The following DENND5A variants were observed in gnomAD, a reference collection of about 807,000 sequenced individuals.
The protein encoded by DENND5A is DENN domain containing 5A.
DENND5A carries 64 observed loss-of-function variants against 140.3 expected under a neutral mutation model. The observed-to-expected ratio is 0.46, with a 90% CI of 0.37 to 0.56. The LOEUF is 0.56. Ranked by LOEUF, DENND5A falls within the 20% of genes least tolerant of loss-of-function variation. DENND5A has a pLI of 0.00. For missense variants in DENND5A, 1,292 were observed against 1,593.8 expected, an observed-to-expected ratio of 0.81 and a Z score of 3.22; for synonymous variants, 605 against 607.7, an observed-to-expected ratio of 1.00 and a Z score of 0.07.
At position 9,147,133 on chromosome 11, in the gene DENND5A, A is replaced by G; in HGVS notation, c.2754T>C (p.Tyr918=). Residue 918 remains tyrosine (Y), a synonymous_variant, in exon 16 of 23, where the codon TAT becomes TAC. Transcript: ENST00000328194. ...TCTCGTCATCACAGCGCAGGAAGGCATAGCGCTTATATAACTTTCTGTTGG... is the reference window on the plus strand; with the variant it reads ...TCTCGTCATCACAGCGCAGGAAGGCGTAGCGCTTATATAACTTTCTGTTGG... ...HELTKKLYKR[Y]AFLRCDDEKE... The G allele has an allele frequency of 6.2e-7, 1 of 1,613,578 alleles. No homozygotes were observed. Among genetic ancestry groups the G allele is most frequent in the Non-Finnish European group, 8.5e-7 (1 of 1,179,484 alleles).
chr11:9,178,878 G>T lies in DENND5A; in HGVS notation c.1651C>A (p.Gln551Lys). ...DKESWFTNRE[Q>K]MQNFDKASFL... is the part of the protein sequence containing the mutation. ...CTCACTTTATCAAAGTTTTGCATTT[G>T]CTCCCTGTTGGTAAACCAGGATTCC... Residue 551 changes from glutamine (Q) to lysine (K), a missense_variant, in exon 7 of 23, where the codon CAA becomes AAA. Around this residue, in one of 4 missense-constraint regions of DENND5A, gnomAD observed 29 missense variants for 64.7 expected, o/e 0.45. Coordinates refer to ENST00000328194, the MANE Select transcript of DENND5A (RefSeq NM_015213.4). 1 of 1,613,918 alleles carries T rather than the reference G, an allele frequency of 6.2e-7. No homozygotes were observed. Among genetic ancestry groups the T allele is most frequent in the Non-Finnish European group, 8.5e-7 (1 of 1,179,924 alleles).
At position 9,147,145 on chromosome 11, in the gene DENND5A, T is replaced by C; in HGVS notation, c.2742A>G (p.Leu914=). 2 of 1,614,048 alleles carry C rather than the reference T, an allele frequency of 1.2e-6. No homozygotes were observed. Among genetic ancestry groups the C allele is most frequent in the Middle Eastern group, 1.6e-4 (1 of 6,062 alleles). ...AGCGCAGGAAGGCATAGCGCTTATA[T>C]AACTTTCTGTTGGAGAGGAGGTAAT... is the stretch of plus-strand genomic sequence containing the variant. ...LLSDHELTKK[L]YKRYAFLRCD... Residue 914 remains leucine (L), a synonymous_variant, in exon 16 of 23, where the codon TTA becomes TTG. Transcript: ENST00000328194.
intron 12 of DENND5A, among the ~76,000 whole-genome samples, chr11:9,153,344 CAAAAAAAAAAAAA>C (rs59736475): frequency 1.1e-3 from 30 of 27,028 alleles, no homozygotes; most frequent in South Asian, 0.01. Flanking sequence ...GGCTCCCTCT[CAAAAAAAAAAAAA>C]AAAAAAAAAA....
chr11:9,155,160 A>G (rs1005436175), intron 12 of DENND5A, among the ~76,000 whole-genome samples: 1 of 151,892 alleles, frequency 6.6e-6, no homozygotes. Flanking sequence ...AAAAAAAAAA[A>G]GGTCTATTAA....
chr11:9,225,472 A>T (rs1850490194), intron 1 of DENND5A, among the ~76,000 whole-genome samples: 1 of 152,094 alleles, frequency 6.6e-6, no homozygotes, highest in African/African-American at 2.4e-5. Flanking sequence ...TAATAATAAT[A>T]GTTTTGGGGC....
intron 1 of DENND5A, among the ~76,000 whole-genome samples, chr11:9,222,966 C>G (rs1394963849): frequency 6.6e-6 from 1 of 152,236 alleles, no homozygotes. Flanking sequence ...TGTAACTGAT[C>G]ATCCCTGCAT....
At chr11:9,207,971 C>T (rs548573008) in intron 1 of DENND5A, among the ~76,000 whole-genome samples, 2 of 152,234 alleles carry the variant, frequency 1.3e-5, no homozygotes, top group East Asian at 1.9e-4. Flanking sequence ...GTCACTAGTG[C>T]TTTATCTAAA....
At chr11:9,154,249 T>C (rs754414977) in intron 12 of DENND5A, among the ~76,000 whole-genome samples, 1 of 152,126 alleles carries the variant, frequency 6.6e-6, no homozygotes, top group Non-Finnish European at 1.5e-5. Context: ...GAAGAAGAAA[T>C]TGAGGATCGG....
At chr11:9,164,836 T>C (rs1450255447) in intron 11 of DENND5A, among the ~76,000 whole-genome samples, 4 of 152,200 alleles carry the variant, frequency 2.6e-5, no homozygotes, top group Admixed American at 1.3e-4. Flanking sequence ...TTTAAAGTAC[T>C]GTAAAATGTC....
Position 9,147,152 on chromosome 11 carries a change from C to T in DENND5A, c.2736-1G>A, listed in dbSNP as rs1847459055. 1.9e-6 allele frequency: 3 copies of T among 1,613,840 alleles called. No individual in the cohort carries two copies. The South Asian group carries it at 3.3e-5, about 18-fold the overall frequency. Reference sequence around the variant, plus strand: ...GAAGGCATAGCGCTTATATAACTTTCTGTTGGAGAGGAGGTAATACATCAG... The same window carrying T: ...GAAGGCATAGCGCTTATATAACTTTTTGTTGGAGAGGAGGTAATACATCAG... On this transcript the variant is annotated splice_acceptor_variant, in intron 15 of 22. Transcript: ENST00000328194. LOFTEE classifies it high-confidence loss of function.
At chr11:9,187,336 C>A (rs971315735) in intron 5 of DENND5A, among the ~76,000 whole-genome samples, 1 of 152,050 alleles carries the variant, frequency 6.6e-6, no homozygotes, top group Non-Finnish European at 1.5e-5. Context: ...GGAAGAGGTA[C>A]CGAATGCCAA....
chr11:9,181,718 A>G (rs1011567715), intron 5 of DENND5A, among the ~76,000 whole-genome samples: 2 of 152,176 alleles, frequency 1.3e-5, no homozygotes, highest in Non-Finnish European at 2.9e-5. Flanking sequence ...CAGCCTGGGC[A>G]ACAGAGTGAG....
intron 3 of DENND5A, among the ~76,000 whole-genome samples, chr11:9,204,600 C>T (rs1484898478): frequency 1.4e-4 from 21 of 152,218 alleles, no homozygotes; most frequent in African/African-American, 4.8e-4. Flanking sequence ...CAGTGGCTCA[C>T]ACCTGTAATC....
intron 1 of DENND5A, among the ~76,000 whole-genome samples, chr11:9,255,612 T>A (rs1451148294): frequency 3.3e-5 from 5 of 152,108 alleles, no homozygotes; most frequent in Non-Finnish European, 7.4e-5. Flanking sequence ...TCGCCTGTAA[T>A]CCCAGCACTT....
intron 6 of DENND5A, among the ~76,000 whole-genome samples, chr11:9,180,009 C>A (rs1000844649): frequency 5.9e-5 from 9 of 152,176 alleles, no homozygotes; most frequent in African/African-American, 2.2e-4. Flanking sequence ...AGTGAGAATT[C>A]AAGAGGACTA....
At chr11:9,165,156 C>T (rs956901777) in intron 11 of DENND5A, among the ~76,000 whole-genome samples, 2 of 151,854 alleles carry the variant, frequency 1.3e-5, no homozygotes, top group Non-Finnish European at 2.9e-5. Context: ...CATGCCACCA[C>T]GCCCGGCTAA....
At chr11:9,225,902 T>C (rs1435401605) in intron 1 of DENND5A, among the ~76,000 whole-genome samples, 2 of 152,168 alleles carry the variant, frequency 1.3e-5, no homozygotes, top group Admixed American at 6.5e-5. Context: ...CTGGACAACA[T>C]AGCAAGACCC....
chr11:9,264,866 G>A, intron 1 of DENND5A, 95 bp downstream of exon 1: 2 of 1,166,704 alleles, frequency 1.7e-6, no homozygotes, highest in South Asian at 1.4e-5. Context: ...CACTCGCCCG[G>A]CTCCCGGGAC....
chr11:9,230,054 G>A (rs1462771816), intron 1 of DENND5A, among the ~76,000 whole-genome samples: 3 of 150,098 alleles, frequency 2.0e-5, no homozygotes, highest in African/African-American at 4.9e-5. Flanking sequence ...GACTACAGGC[G>A]CCTGCCACCA....
Sources: allele counts gnomAD v4.1 joint callset (sites outside exome capture counted in the v4.1 genomes callset), GRCh38; gene constraint gnomAD v4.1.1; regional missense constraint gnomAD v4.1.1; transcripts MANE v1.5; gene names NCBI Gene and HGNC (gene_info 2026-07-23, HGNC 2026-07-21).